The following THSD7B variants were observed in gnomAD, a reference collection of about 807,000 sequenced individuals.
THSD7B encodes the protein thrombospondin type-1 domain-containing protein 7B.
In THSD7B, 138 loss-of-function variants were observed where a neutral mutation model predicts 213.6. That is an observed-to-expected ratio of 0.65 (90% confidence interval 0.56 to 0.74). The LOEUF (loss-of-function observed/expected upper bound fraction) is 0.74, where lower values mean the gene tolerates loss of function less well. Ranked by LOEUF, THSD7B falls within the 30% of genes least tolerant of loss-of-function variation. THSD7B has a pLI of 0.00. For missense variants in THSD7B, 1,931 were observed against 1,991.5 expected (o/e 0.97, Z 0.58); for synonymous variants, 742 against 687.0 (o/e 1.08, Z -1.25).
chr2:136,817,498 C>T (rs4954363), intron 1 of THSD7B, among the ~76,000 whole-genome samples: 21,148 of 150,634 alleles, frequency 0.14, 1,469 homozygotes, highest in Middle Eastern at 0.3. Context: ...AGTTTTAGGT[C>T]TAACGTTTAA....
chr2:137,233,976 T>G (rs544605885), intron 9 of THSD7B, among the ~76,000 whole-genome samples: 1 of 152,278 alleles, frequency 6.6e-6, no homozygotes. Context: ...TGGTGCCAGC[T>G]TTGGTCTAGT....
intron 20 of THSD7B, among the ~76,000 whole-genome samples, chr2:137,631,177 G>A (rs757621375): frequency 1.3e-5 from 2 of 152,156 alleles, no homozygotes; most frequent in Non-Finnish European, 2.9e-5. Flanking sequence ...TTTCAATTTA[G>A]AGAGAGACCG....
intron 12 of THSD7B, among the ~76,000 whole-genome samples, chr2:137,372,351 T>TTA (rs1553444114): frequency 7.6e-6 from 1 of 130,814 alleles, no homozygotes; most frequent in African/African-American, 3.0e-5. Context: ...TTTTTTTTTT[T>TTA]AATATTTAAA....
intron 14 of THSD7B, among the ~76,000 whole-genome samples, chr2:137,423,318 G>T (rs1049541557): frequency 4.6e-5 from 7 of 152,050 alleles, no homozygotes; most frequent in Admixed American, 1.3e-4. Context: ...ATAAATAAAA[G>T]GTATCTATAT....
chr2:137,674,695 T>G (rs1216885420), intron 27 of THSD7B, among the ~76,000 whole-genome samples: 1 of 152,212 alleles, frequency 6.6e-6, no homozygotes. Context: ...TGAAGCTCCC[T>G]CTGGAGAATA....
rs768551096 is a variant in THSD7B, at chr2:137,233,058, C to A, written c.2075C>A (p.Ala692Asp). Residue 692 changes from alanine to aspartate, a missense_variant, in exon 9 of 28, where the codon GCC (alanine) becomes GAC (aspartate). Physicochemically the swap from Ala to Asp is moderately radical, Grantham distance 126 (BLOSUM62 -2). Transcript: ENST00000409968. The part of the protein sequence containing the change: ...LNATIGWNGE[A>D]TCGVGIQTRR... The stretch of plus-strand genomic sequence containing the variant: ...GCAACCATTGGCTGGAATGGAGAAG[C>A]CACGTGTGGTGTAGGCATTCAGACT... 2 of 1,613,908 alleles carry A rather than the reference C, an allele frequency of 1.2e-6. No individual in the cohort carries two copies. Among genetic ancestry groups the A allele is most frequent in the Non-Finnish European group, 1.7e-6 (2 of 1,179,846 alleles).
rs554146346 is a variant in THSD7B, at chr2:137,676,557, C to A, written c.4773C>A (p.Pro1591=). The part of the protein sequence containing the change: ...KKPKPHQSTP[P]QQKPLTLAYD... ...CAAAACCACATCAAAGCACACCTCC[C>A]CAACAGAAGCCTCTGACCTTAGCCT... The change falls in exon 28 of 28, where the codon CCC becomes CCA. Residue 1591 remains proline, a synonymous_variant. Coordinates refer to ENST00000409968, the MANE Select transcript of THSD7B (RefSeq NM_001316349.2). 9.4e-6 allele frequency: 15 copies of A among 1,597,958 alleles called. No individual in the cohort carries two copies. In the East Asian group the frequency reaches 2.7e-4, roughly 29 times the overall value.
chr2:137,322,450 T>G lies in THSD7B; in HGVS notation c.2500+46424T>G, dbSNP rs377351147. Among the ~76,000 whole-genome samples the G allele has an allele frequency of 1.5e-4, 23 of 152,290 alleles. No homozygotes were observed. The East Asian group carries it at 4.3e-3, about 28-fold the overall frequency. ...TCAGGGCCTGTTCTAAATCTTTACATGGGTTGTATTTAGTCTTCAAGAAAT... is the reference window on the plus strand; with the variant it reads ...TCAGGGCCTGTTCTAAATCTTTACAGGGGTTGTATTTAGTCTTCAAGAAAT... On this transcript the variant is annotated intron_variant, in intron 12 of 27. Coordinates refer to ENST00000409968, the MANE Select transcript of THSD7B (RefSeq NM_001316349.2).
intron 3 of THSD7B, among the ~76,000 whole-genome samples, chr2:137,077,117 G>A (rs895855334): frequency 6.6e-6 from 1 of 151,496 alleles, no homozygotes; most frequent in African/African-American, 2.4e-5. Context: ...GAGAATGATG[G>A]TTTCCAGCTT....
At chr2:137,143,979 A>G (rs555291230) in intron 5 of THSD7B, among the ~76,000 whole-genome samples, 1 of 152,180 alleles carries the variant, frequency 6.6e-6, no homozygotes, top group African/African-American at 2.4e-5. Flanking sequence ...GTTTATGGCT[A>G]TAGGAGTGCC....
At chr2:136,917,760 C>A (rs1233007559) in intron 2 of THSD7B, among the ~76,000 whole-genome samples, 2 of 152,194 alleles carry the variant, frequency 1.3e-5, no homozygotes, top group African/African-American at 4.8e-5. Context: ...CCCTGGAGGA[C>A]TCTTTATTTT....
intron 2 of THSD7B, among the ~76,000 whole-genome samples, chr2:136,946,938 C>T (rs1208387648): frequency 6.6e-6 from 1 of 151,660 alleles, no homozygotes; most frequent in Non-Finnish European, 1.5e-5. Context: ...CCTTGCACTT[C>T]CTGGGTGAGG....
chr2:137,230,763 C>G (rs1472828551), intron 7 of THSD7B, among the ~76,000 whole-genome samples: 1 of 152,146 alleles, frequency 6.6e-6, no homozygotes, highest in Non-Finnish European at 1.5e-5. Context: ...ATATGGTTGT[C>G]CATAACACAT....
intron 17 of THSD7B, among the ~76,000 whole-genome samples, chr2:137,598,229 A>G (rs980186348): frequency 7.9e-5 from 12 of 152,198 alleles, no homozygotes; most frequent in African/African-American, 2.9e-4. Context: ...AGTCTGCTAG[A>G]TGGTACATTT....
intron 12 of THSD7B, among the ~76,000 whole-genome samples, chr2:137,292,300 T>C (rs147065569): frequency 6.2e-4 from 95 of 152,274 alleles, no homozygotes; most frequent in African/African-American, 2.2e-3. Context: ...CTAAACACTT[T>C]TTTAGAGAAT....
At chr2:137,596,404 A>C (rs1161087747) in intron 17 of THSD7B, among the ~76,000 whole-genome samples, 2 of 152,084 alleles carry the variant, frequency 1.3e-5, no homozygotes, top group Non-Finnish European at 2.9e-5. Context: ...AAAAATGTTT[A>C]ATTATTCTTT....
At chr2:136,949,598 G>A (rs1273102308) in intron 2 of THSD7B, among the ~76,000 whole-genome samples, 3 of 152,178 alleles carry the variant, frequency 2.0e-5, no homozygotes, top group Admixed American at 1.3e-4. Flanking sequence ...TAAACATAGC[G>A]AGGAAAGCCA....
At chr2:136,873,780 T>G (rs1029750465) in intron 1 of THSD7B, among the ~76,000 whole-genome samples, 3 of 152,184 alleles carry the variant, frequency 2.0e-5, no homozygotes, top group African/African-American at 7.2e-5. Context: ...TATACATGCT[T>G]CTGTAGCATC....
intron 2 of THSD7B, among the ~76,000 whole-genome samples, chr2:136,897,835 ACGCTGTTTGGTGCATTTTTACAGAG>A (rs1683989363): frequency 6.7e-6 from 1 of 149,180 alleles, no homozygotes; most frequent in Non-Finnish European, 1.5e-5. Flanking sequence ...TAGACACAGA[ACGCTGTTTGGTGCATTTTTACAGAG>A]TGCTGATTGG....
Sources: allele counts gnomAD v4.1 joint callset (sites outside exome capture counted in the v4.1 genomes callset), GRCh38; gene constraint gnomAD v4.1.1; transcripts MANE v1.5; gene names NCBI Gene and HGNC (gene_info 2026-07-23, HGNC 2026-07-21).